The following NDRG3 variants were observed in gnomAD, a reference collection of about 807,000 sequenced individuals.
The protein encoded by NDRG3 is NDRG family member 3, also known as protein NDRG3.
A neutral mutation model predicts 57.2 loss-of-function variants in NDRG3; 23 were observed. The observed-to-expected ratio is 0.40, with a 90% CI of 0.29 to 0.57. The LOEUF (loss-of-function observed/expected upper bound fraction) is 0.57. NDRG3 is among the 20% of genes least tolerant of loss of function. The probability of loss-of-function intolerance (pLI) is 0.42; values close to 1 mark genes in which losing one functional copy is unlikely to be tolerated. For missense variants in NDRG3, 384 were observed against 457.3 expected, an observed-to-expected ratio of 0.84 and a Z score of 1.46; for synonymous variants, 132 against 162.6, an observed-to-expected ratio of 0.81 and a Z score of 1.43.
At chr20:36,742,609 T>C (rs757173483) in intron 1 of NDRG3, among the ~76,000 whole-genome samples, 31 of 152,244 alleles carry the variant, frequency 2.0e-4, no homozygotes, top group Non-Finnish European at 3.5e-4. Flanking sequence ...CATTTCATCC[T>C]GAATAACATA....
chr20:36,726,866 C>T (rs1488378723), intron 1 of NDRG3, among the ~76,000 whole-genome samples: 1 of 151,702 alleles, frequency 6.6e-6, no homozygotes, highest in Non-Finnish European at 1.5e-5. Context: ...ATCTCGGCAC[C>T]TTATGTTTAA....
At chr20:36,680,979 C>A in intron 7 of NDRG3, 77 bp from the exon 8 acceptor site, 1 of 1,216,020 alleles carries the variant, frequency 8.2e-7, no homozygotes, top group Non-Finnish European at 1.2e-6. Context: ...CATGGTTGAT[C>A]AATTCTTACT....
At chr20:36,726,100 T>G (rs1288589462) in intron 1 of NDRG3, among the ~76,000 whole-genome samples, 1 of 152,140 alleles carries the variant, frequency 6.6e-6, no homozygotes, top group South Asian at 2.1e-4. Context: ...AAAAAACATT[T>G]TTTTTAGAGA....
chr20:36,727,999 G>C (rs1985048575), intron 1 of NDRG3, among the ~76,000 whole-genome samples: 2 of 152,156 alleles, frequency 1.3e-5, no homozygotes, highest in African/African-American at 4.8e-5. Context: ...AAGAGTTTGA[G>C]TCCAGCCTGG....
Position 36,733,175 on chromosome 20 carries a change from T to A in NDRG3, c.-48-11392A>T, listed in dbSNP as rs1434487033. 8.3e-3 allele frequency among the ~76,000 whole-genome samples: 292 copies of A among 35,276 alleles called. 2 individuals carry two copies. The highest frequency in any genetic ancestry group is 0.016 in the East Asian group (41 of 2,618). The allele number at this position is 35,276 out of a possible 152,430, so 23.1% of individuals were successfully genotyped here. A position where few individuals can be genotyped will look rare whatever the true frequency, so the allele number is the denominator to read the frequency against. ...AAAAAAAAAAAAAAAAAAAAAAATA[T>A]ATATATATATATATATATATATATA... On this transcript the variant is annotated intron_variant, in intron 1 of 15. Coordinates refer to ENST00000349004, the MANE Select transcript of NDRG3 (RefSeq NM_032013.4).
intron 12 of NDRG3, among the ~76,000 whole-genome samples, chr20:36,664,716 G>T (rs1555796507): frequency 3.3e-5 from 5 of 151,966 alleles, no homozygotes; most frequent in Non-Finnish European, 7.4e-5. Context: ...TTGAGGCACG[G>T]TCTCACTCTG....
At chr20:36,702,770 C>T (rs1157260009) in intron 3 of NDRG3, among the ~76,000 whole-genome samples, 1 of 151,672 alleles carries the variant, frequency 6.6e-6, no homozygotes, top group Non-Finnish European at 1.5e-5. Context: ...CTCACCTCAA[C>T]CTCCACCTCT....
intron 1 of NDRG3, among the ~76,000 whole-genome samples, chr20:36,729,587 G>A (rs1985151477): frequency 6.6e-6 from 1 of 151,964 alleles, no homozygotes; most frequent in South Asian, 2.1e-4. Context: ...GAGTGCAGTG[G>A]CACAATCTCG....
intron 1 of NDRG3, among the ~76,000 whole-genome samples, chr20:36,733,548 CCCCG>C (rs1985450623): frequency 6.6e-6 from 1 of 151,864 alleles, no homozygotes; most frequent in Admixed American, 6.6e-5. Context: ...CATGGTGAAA[CCCCG>C]TCTCTACTAA....
At chr20:36,658,402 C>T (rs1173543437) in intron 13 of NDRG3, among the ~76,000 whole-genome samples, 1 of 152,220 alleles carries the variant, frequency 6.6e-6, no homozygotes, top group Non-Finnish European at 1.5e-5. Flanking sequence ...GTGTGAGCCA[C>T]CATGCCCAGC....
At chr20:36,710,513 T>A (rs1370936129) in intron 2 of NDRG3, among the ~76,000 whole-genome samples, 7 of 152,042 alleles carry the variant, frequency 4.6e-5, no homozygotes, top group African/African-American at 1.7e-4. Flanking sequence ...TATTTTGTAA[T>A]ATAAGATTTA....
At chr20:36,710,830 G>T (rs1489944863) in intron 2 of NDRG3, among the ~76,000 whole-genome samples, 1 of 93,750 alleles carries the variant, frequency 1.1e-5, no homozygotes, top group Non-Finnish European at 2.4e-5. Context: ...AAAAAAAAAA[G>T]TCAGTCAGGC....
At chr20:36,729,624 C>T (rs1985154693) in intron 1 of NDRG3, among the ~76,000 whole-genome samples, 1 of 151,952 alleles carries the variant, frequency 6.6e-6, no homozygotes, top group African/African-American at 2.4e-5. Context: ...GTCTTCCAGG[C>T]TCAAGCCATT....
At chr20:36,743,695 G>A (rs1986031370) in intron 1 of NDRG3, among the ~76,000 whole-genome samples, 1 of 149,486 alleles carries the variant, frequency 6.7e-6, no homozygotes, top group African/African-American at 2.5e-5. Flanking sequence ...GCGAGCACCT[G>A]TAGTCCCAGC....
At chr20:36,727,809 G>A (rs896154784) in intron 1 of NDRG3, among the ~76,000 whole-genome samples, 2 of 152,048 alleles carry the variant, frequency 1.3e-5, no homozygotes, top group African/African-American at 2.4e-5. Context: ...CCAAAGTGCT[G>A]GGATTACAGG....
chr20:36,666,228 C>A, intron 10 of NDRG3, 61 bp downstream of exon 10: 1 of 1,281,876 alleles, frequency 7.8e-7, no homozygotes, highest in Non-Finnish European at 1.1e-6. Flanking sequence ...CTCTCCTTCT[C>A]CCACCCTCCT....
At chr20:36,655,994 T>C (rs569907173) in intron 15 of NDRG3, among the ~76,000 whole-genome samples, 2 of 151,666 alleles carry the variant, frequency 1.3e-5, no homozygotes, top group Admixed American at 1.3e-4. Flanking sequence ...ATTATTCGGG[T>C]GTGGTGGCAC....
At chr20:36,737,078 T>C (rs1213050530) in intron 1 of NDRG3, among the ~76,000 whole-genome samples, 1 of 152,186 alleles carries the variant, frequency 6.6e-6, no homozygotes, top group Admixed American at 6.6e-5. Flanking sequence ...TTGTAGAGAC[T>C]GCCAAGCTGG....
intron 1 of NDRG3, among the ~76,000 whole-genome samples, chr20:36,730,909 G>C (rs1049307307): frequency 6.7e-6 from 1 of 149,266 alleles, no homozygotes; most frequent in East Asian, 2.0e-4. Flanking sequence ...CTGCACTCCA[G>C]CCTGGGCAAC....
Sources: allele counts gnomAD v4.1 joint callset (sites outside exome capture counted in the v4.1 genomes callset), GRCh38; gene constraint gnomAD v4.1.1; transcripts MANE v1.5; gene names NCBI Gene and HGNC (gene_info 2026-07-23, HGNC 2026-07-21).